C10orf90: variants seen among roughly 807,000 people sequenced by gnomAD.
C10orf90 encodes chromosome 10 open reading frame 90.
In C10orf90, 56 loss-of-function variants were observed where a neutral mutation model predicts 62.5. The observed-to-expected ratio is 0.90, with a 90% CI of 0.72 to 1.12. The LOEUF is 1.12. Among genes scored for constraint, C10orf90 ranks in the 50% most tolerant of loss-of-function variants. The pLI is 0.00. For missense variants in C10orf90, 970 were observed against 880.4 expected, an observed-to-expected ratio of 1.10 and a Z score of -1.29; for synonymous variants, 386 against 340.4, an observed-to-expected ratio of 1.13 and a Z score of -1.47.
At chr10:126,524,669 A>G (rs1863880391) in intron 2 of C10orf90, 2 of 985,928 alleles carry the variant, frequency 2.0e-6, no homozygotes, top group Admixed American at 6.1e-5. Flanking sequence ...CCACCTGGCC[A>G]CTCAGCCATG....
rs531914588 is a variant in C10orf90, at chr10:126,593,746, A to G, written c.313+52819T>C. On this transcript the variant is annotated intron_variant, in intron 2 of 9. Coordinates refer to ENST00000488181, the MANE Select transcript of C10orf90 (RefSeq NM_001350921.2). ...AAAAGAAAATTGTTTATTTCCTACC[A>G]TACATTGTGTTCTCTGCTACCCTGT... is the stretch of plus-strand genomic sequence containing the variant. 5.9e-5 allele frequency among the ~76,000 whole-genome samples: 9 copies of G among 152,300 alleles called. No individual in the cohort carries two copies. The South Asian group carries it at 6.2e-4, about 11-fold the overall frequency.
At chr10:126,471,987 C>T (rs923569433) in intron 4 of C10orf90, among the ~76,000 whole-genome samples, 14 of 152,112 alleles carry the variant, frequency 9.2e-5, no homozygotes, top group Non-Finnish European at 1.6e-4. Flanking sequence ...ATTACTTCGA[C>T]TACATTGCGA....
chr10:126,465,381 G>C (rs1054620135), intron 4 of C10orf90, among the ~76,000 whole-genome samples: 1 of 151,160 alleles, frequency 6.6e-6, no homozygotes, highest in East Asian at 1.9e-4. Context: ...TCTGTAATCA[G>C]TTTATTTCTA....
chr10:126,542,467 C>T (rs1189861507), intron 2 of C10orf90, among the ~76,000 whole-genome samples: 3 of 151,984 alleles, frequency 2.0e-5, no homozygotes. Flanking sequence ...TGTGCCACTG[C>T]ACTCCAGCCT....
At chr10:126,622,689 T>C (rs1176679633) in intron 2 of C10orf90, among the ~76,000 whole-genome samples, 3 of 152,162 alleles carry the variant, frequency 2.0e-5, no homozygotes, top group Admixed American at 1.3e-4. Flanking sequence ...GCCCACTACT[T>C]AACAGTCTCC....
chr10:126,649,080 C>G (rs2366862), intron 1 of C10orf90, among the ~76,000 whole-genome samples: 7 of 118,816 alleles, frequency 5.9e-5, no homozygotes, highest in Admixed American at 5.2e-4. Context: ...CTCCCCCCCC[C>G]CCAGCAATTC....
chr10:126,666,298 A>G (rs1301141337), intron 1 of C10orf90, among the ~76,000 whole-genome samples: 4 of 152,136 alleles, frequency 2.6e-5, no homozygotes, highest in Admixed American at 2.0e-4. Flanking sequence ...AGCCCAAACA[A>G]ATCGAAAAAA....
chr10:126,466,589 GC>G (rs1860303531), intron 4 of C10orf90, among the ~76,000 whole-genome samples: 1 of 152,110 alleles, frequency 6.6e-6, no homozygotes, highest in South Asian at 2.1e-4. Context: ...AGAGGGAAGA[GC>G]AAAAAGTCTG....
Position 126,649,022 on chromosome 10 carries a change from CTCTCTG to C in C10orf90, c.241-2391_241-2386del, listed in dbSNP as rs1263827217. ...TGGATCACAGATGATATCTCTCTCT[CTCTCTG>C]TCTCTGTCTCTCTCTCTCTCTCTCT... is the stretch of plus-strand genomic sequence containing the variant. On this transcript the variant is annotated intron_variant, in intron 1 of 9. Transcript: ENST00000488181. 4.8e-3 allele frequency among the ~76,000 whole-genome samples: 388 copies of C among 80,308 alleles called. 44 individuals are homozygous for C. Among genetic ancestry groups the C allele is most frequent in the African/African-American group, 0.017 (346 of 20,670 alleles). 52.7% of individuals were successfully genotyped at this position (80,308 alleles called of 152,430 possible).
At chr10:126,501,919 G>A (rs1053873012) in intron 4 of C10orf90, among the ~76,000 whole-genome samples, 2 of 151,220 alleles carry the variant, frequency 1.3e-5, no homozygotes, top group Admixed American at 6.6e-5. Flanking sequence ...GAAAGGGGAG[G>A]GTGAGAGGTG....
chr10:126,443,206 C>G (rs1201449073), intron 7 of C10orf90, among the ~76,000 whole-genome samples: 1 of 151,736 alleles, frequency 6.6e-6, no homozygotes, highest in East Asian at 1.9e-4. Context: ...TACACAAATA[C>G]AAAAGATAAA....
At chr10:126,472,209 AT>A (rs1252026782) in intron 4 of C10orf90, among the ~76,000 whole-genome samples, 1 of 152,206 alleles carries the variant, frequency 6.6e-6, no homozygotes, top group Non-Finnish European at 1.5e-5. Flanking sequence ...AGTAATAATT[AT>A]TTTCATTAAG....
chr10:126,548,674 C>T (rs1864561047), intron 2 of C10orf90, among the ~76,000 whole-genome samples: 1 of 151,874 alleles, frequency 6.6e-6, no homozygotes. Context: ...CGCAAGATCC[C>T]ATCTTTACCA....
chr10:126,450,429 G>A (rs1372400254), intron 7 of C10orf90, among the ~76,000 whole-genome samples: 1 of 152,164 alleles, frequency 6.6e-6, no homozygotes, highest in African/African-American at 2.4e-5. Flanking sequence ...AGACATCACG[G>A]TATCTAATTT....
At chr10:126,629,147 C>T (rs1213062348) in intron 2 of C10orf90, among the ~76,000 whole-genome samples, 1 of 152,218 alleles carries the variant, frequency 6.6e-6, no homozygotes, top group Admixed American at 6.5e-5. Flanking sequence ...ATTTAGGGCT[C>T]TAACTGCTCA....
intron 4 of C10orf90, among the ~76,000 whole-genome samples, chr10:126,490,031 A>ATATAATG (rs1564828148): frequency 1.7e-5 from 2 of 114,654 alleles, no homozygotes; most frequent in Non-Finnish European, 3.4e-5. Context: ...AATATATAAT[A>ATATAATG]TATAATATAT....
Position 126,574,050 on chromosome 10 carries a change from T to C in C10orf90, c.314-60111A>G, listed in dbSNP as rs1453348569. On this transcript the variant is annotated intron_variant, in intron 2 of 9. Transcript: ENST00000488181. The stretch of plus-strand genomic sequence containing the variant: ...CAACAAATTCTAGTAGTCAAATATT[T>C]AAACATTAAGAAGTAAAGCCATAGA... Among the ~76,000 whole-genome samples the C allele has an allele frequency of 2.0e-5, 3 of 152,160 alleles. No individual in the cohort carries two copies. The East Asian group carries it at 5.8e-4, about 29-fold the overall frequency.
chr10:126,565,068 T>TATATA (rs2133994242), intron 2 of C10orf90, among the ~76,000 whole-genome samples: 1 of 21,626 alleles, frequency 4.6e-5, no homozygotes, highest in Non-Finnish European at 7.6e-5. Flanking sequence ...AAATATATAT[T>TATATA]ATATATAATA....
intron 2 of C10orf90, among the ~76,000 whole-genome samples, chr10:126,607,429 A>T (rs2133794818): frequency 6.6e-6 from 1 of 152,344 alleles, no homozygotes; most frequent in Non-Finnish European, 1.5e-5. Flanking sequence ...ATGGTTTCTC[A>T]GGCATGAGTA....
Sources: allele counts gnomAD v4.1 joint callset (sites outside exome capture counted in the v4.1 genomes callset), GRCh38; gene constraint gnomAD v4.1.1; transcripts MANE v1.5; gene names NCBI Gene and HGNC (gene_info 2026-07-23, HGNC 2026-07-21).